ERC2: variants seen among roughly 807,000 people sequenced by gnomAD.
The protein encoded by ERC2 is ERC protein 2.
In ERC2, 42 loss-of-function variants were observed where a neutral mutation model predicts 114.8. The ratio of observed to expected loss-of-function variants is 0.37; its 90% CI spans 0.29 to 0.47. The LOEUF is 0.47. Among genes scored for constraint, ERC2 ranks in the 20% least tolerant of loss-of-function variants. The pLI is 0.99. For missense variants in ERC2, 939 were observed against 1,150.7 expected (o/e 0.82, Z 2.66); for synonymous variants, 454 against 425.5 (o/e 1.07, Z -0.82).
chr3:56,177,276 T>C (rs1438447022), intron 3 of ERC2, among the ~76,000 whole-genome samples: 3 of 152,260 alleles, frequency 2.0e-5, no homozygotes, highest in East Asian at 3.9e-4. Flanking sequence ...GCTTGCCAAA[T>C]TTTCTAAACA....
chr3:55,530,470 T>G (rs2053596824), intron 17 of ERC2, among the ~76,000 whole-genome samples: 1 of 152,118 alleles, frequency 6.6e-6, no homozygotes, highest in African/African-American at 2.4e-5. Context: ...ACCTGACATG[T>G]TCTCTCCATC....
At chr3:56,149,639 A>G (rs182085252) in intron 4 of ERC2, among the ~76,000 whole-genome samples, 6 of 152,366 alleles carry the variant, frequency 3.9e-5, no homozygotes, top group African/African-American at 1.4e-4. Context: ...CATCTAAAAT[A>G]CAGACGTAAG....
chr3:55,525,717 T>A (rs753326092), intron 17 of ERC2, among the ~76,000 whole-genome samples: 9 of 152,134 alleles, frequency 5.9e-5, no homozygotes, highest in Non-Finnish European at 1.0e-4. Flanking sequence ...CGTGGGACTT[T>A]ATGGCTACAT....
intron 3 of ERC2, among the ~76,000 whole-genome samples, chr3:56,192,287 C>T (rs1212238047): frequency 6.6e-6 from 1 of 152,192 alleles, no homozygotes; most frequent in Non-Finnish European, 1.5e-5. Flanking sequence ...GCTAAATTTA[C>T]TTAACTTCTT....
At chr3:56,302,885 A>G (rs1322423196) in intron 2 of ERC2, among the ~76,000 whole-genome samples, 2 of 152,192 alleles carry the variant, frequency 1.3e-5, no homozygotes, top group Non-Finnish European at 2.9e-5. Context: ...TGCACTAGGA[A>G]AGGACATTAC....
chr3:56,291,822 T>TAA (rs879824002), intron 3 of ERC2, among the ~76,000 whole-genome samples: 34 of 129,916 alleles, frequency 2.6e-4, no homozygotes, highest in African/African-American at 8.7e-4. Flanking sequence ...TTCTTTCTAC[T>TAA]AAAAAAAAAA....
intron 14 of ERC2, among the ~76,000 whole-genome samples, chr3:55,748,183 C>A (rs964441447): frequency 1.3e-5 from 2 of 152,122 alleles, no homozygotes; most frequent in East Asian, 3.9e-4. Flanking sequence ...CTGGGAGGAG[C>A]GATTACTGGA....
intron 7 of ERC2, among the ~76,000 whole-genome samples, chr3:56,077,334 A>C (rs2149746972): frequency 6.6e-6 from 1 of 152,292 alleles, no homozygotes; most frequent in African/African-American, 2.4e-5. Flanking sequence ...TGGTTTAAAA[A>C]CCTGAAGCTG....
intron 10 of ERC2, chr3:56,003,078 G>C: frequency 7.8e-7 from 1 of 1,288,476 alleles, no homozygotes; most frequent in Non-Finnish European, 1.0e-6. Context: ...GTTACAGCGG[G>C]AACTTTCAGA....
At chr3:55,746,359 G>A (rs772321340) in intron 14 of ERC2, among the ~76,000 whole-genome samples, 1 of 151,678 alleles carries the variant, frequency 6.6e-6, no homozygotes, top group African/African-American at 2.4e-5. Flanking sequence ...TCAGCCTCCC[G>A]AGTAGCTGAG....
rs141837854 is a variant in ERC2 at position 55,579,007 on chromosome 3, G to A, written c.*40-67731C>T. Among the ~76,000 whole-genome samples, 13 of 152,226 alleles carry A rather than the reference G, an allele frequency of 8.5e-5. No individual in the cohort carries two copies. The East Asian group carries it at 1.5e-3, about 18-fold the overall frequency. On this transcript the variant is annotated intron_variant, in intron 17 of 17. Transcript: ENST00000288221. Reference sequence around the variant, plus strand: ...CTTGAGGCTTAGGCTGGGAAGTGGCGTACTGTCATTTCTACTACATTCTGT... The same window carrying A: ...CTTGAGGCTTAGGCTGGGAAGTGGCATACTGTCATTTCTACTACATTCTGT...
At chr3:56,420,177 CTTTTT>C (rs34883402) in intron 2 of ERC2, among the ~76,000 whole-genome samples, 2 of 72,290 alleles carry the variant, frequency 2.8e-5, no homozygotes, top group Non-Finnish European at 5.0e-5. Context: ...AGTGGTTATA[CTTTTT>C]TTTTTTTTTT....
intron 14 of ERC2, among the ~76,000 whole-genome samples, chr3:55,777,851 C>T (rs369175299): frequency 6.6e-6 from 1 of 152,158 alleles, no homozygotes; most frequent in Non-Finnish European, 1.5e-5. Context: ...ATTTAGTGTA[C>T]TGTTTATCAA....
intron 7 of ERC2, among the ~76,000 whole-genome samples, chr3:56,054,950 T>G (rs7623143): frequency 6.6e-6 from 1 of 151,982 alleles, no homozygotes; most frequent in Non-Finnish European, 1.5e-5. Flanking sequence ...ATGTCGGTCT[T>G]CAGAGGCTCA....
intron 17 of ERC2, among the ~76,000 whole-genome samples, chr3:55,635,734 T>A (rs2059931632): frequency 6.6e-6 from 1 of 151,898 alleles, no homozygotes; most frequent in Admixed American, 6.6e-5. Context: ...AGAGTTCAAG[T>A]TTAGAAACAC....
intron 3 of ERC2, among the ~76,000 whole-genome samples, chr3:56,189,790 G>A (rs558027750): frequency 2.6e-5 from 4 of 152,132 alleles, no homozygotes; most frequent in African/African-American, 9.7e-5. Context: ...AACACAACCC[G>A]CTGGCACTCT....
intron 3 of ERC2, among the ~76,000 whole-genome samples, chr3:56,290,627 C>T (rs927109164): frequency 1.3e-5 from 2 of 152,132 alleles, no homozygotes; most frequent in African/African-American, 4.8e-5. Context: ...TTAAGGAAAT[C>T]ATGTGGTTTT....
chr3:55,984,246 C>T (rs906716081), intron 12 of ERC2, among the ~76,000 whole-genome samples: 19 of 152,142 alleles, frequency 1.2e-4, no homozygotes, highest in African/African-American at 4.6e-4. Context: ...CCTTCCAGCC[C>T]TGTCTTCTGA....
chr3:56,195,500 C>CGTGTGTGCGTGTGTGTGTGT (rs1553873463), intron 3 of ERC2, among the ~76,000 whole-genome samples: 3 of 150,022 alleles, frequency 2.0e-5, no homozygotes, highest in South Asian at 2.1e-4. Flanking sequence ...TGCGTGTGTG[C>CGTGTGTGCGTGTGTGTGTGT]GTGTGTGTGT....
Sources: allele counts gnomAD v4.1 joint callset (sites outside exome capture counted in the v4.1 genomes callset), GRCh38; gene constraint gnomAD v4.1.1; transcripts MANE v1.5; gene names NCBI Gene and HGNC (gene_info 2026-07-23, HGNC 2026-07-21).